Variants in ERG observed in about 807,000 individuals in gnomAD.
The protein encoded by ERG is ETS transcription factor ERG.
In ERG, 9 loss-of-function variants were observed where a neutral mutation model predicts 55.3. That is an observed-to-expected ratio of 0.16 (90% CI 0.10 to 0.28). The LOEUF is 0.28. ERG is among the 10% of genes least tolerant of loss of function. The probability of loss-of-function intolerance (pLI) is 1.00; values close to 1 mark genes in which losing one functional copy is unlikely to be tolerated. For missense variants in ERG, 434 were observed against 631.6 expected (o/e 0.69, Z 3.35); for synonymous variants, 223 against 237.3 (o/e 0.94, Z 0.55).
At chr21:38,626,996 T>C (rs1287582061) in intron 1 of ERG, among the ~76,000 whole-genome samples, 1 of 152,062 alleles carries the variant, frequency 6.6e-6, no homozygotes, top group African/African-American at 2.4e-5. Context: ...AGCAAAGTGC[T>C]AAAAACACTG....
chr21:38,572,900 T>C (rs1568922726), intron 2 of ERG, among the ~76,000 whole-genome samples: 1 of 152,206 alleles, frequency 6.6e-6, no homozygotes, highest in Non-Finnish European at 1.5e-5. Flanking sequence ...TGTGTCTATG[T>C]AGAAAGGAAA....
chr21:38,433,980 G>A (rs1990345312), intron 2 of ERG, among the ~76,000 whole-genome samples: 1 of 152,090 alleles, frequency 6.6e-6, no homozygotes. Context: ...ACATGCTGGT[G>A]AAATGTCCCC....
Position 38,469,267 on chromosome 21 carries a change from A to G in ERG, c.19-23646T>C, listed in dbSNP as rs73439084. Among the ~76,000 whole-genome samples the G allele has an allele frequency of 5.9e-3, 906 of 152,280 alleles. 14 individuals carry two copies. The highest frequency in any genetic ancestry group is 0.02 in the African/African-American group (831 of 41,544). On this transcript the variant is annotated intron_variant, in intron 1 of 9. Coordinates refer to ENST00000288319, the MANE Select transcript of ERG (RefSeq NM_182918.4). ...CCATCTGTGACTCATTAACGCACTT[A>G]GCAAACACTGAGTGACTGACTAGTC...
At chr21:38,597,491 A>ACACACG in intron 1 of ERG, among the ~76,000 whole-genome samples, 1 of 151,930 alleles carries the variant, frequency 6.6e-6, no homozygotes, top group East Asian at 1.9e-4. Flanking sequence ...ACACACACAC[A>ACACACG]CACACACACG....
chr21:38,372,362 C>T, the ERG span, among the ~76,000 whole-genome samples: 5 of 151,754 alleles, frequency 3.3e-5, no homozygotes, highest in Non-Finnish European at 7.4e-5. Context: ...ATCCCACTTC[C>T]TAATTGTTTT....
chr21:38,379,953 A>C, downstream of ERG: 1 of 951,842 alleles, frequency 1.1e-6, no homozygotes, highest in Non-Finnish European at 1.3e-6. Context: ...TGTCCTTCAA[A>C]GTGTTGGGAT....
At chr21:38,475,038 A>G (rs1247239617) in intron 1 of ERG, among the ~76,000 whole-genome samples, 1 of 152,204 alleles carries the variant, frequency 6.6e-6, no homozygotes, top group Non-Finnish European at 1.5e-5. Flanking sequence ...CAAAAATTAA[A>G]TAAGTTGCCT....
At chr21:38,421,012 G>C (rs1449302300) in intron 3 of ERG, among the ~76,000 whole-genome samples, 1 of 152,038 alleles carries the variant, frequency 6.6e-6, no homozygotes, top group Admixed American at 6.5e-5. Context: ...AGAGTGTCTG[G>C]GCAACACACC....
intron 1 of ERG, among the ~76,000 whole-genome samples, chr21:38,659,640 GAC>G (rs1465456919): frequency 6.6e-6 from 1 of 152,222 alleles, no homozygotes; most frequent in African/African-American, 2.4e-5. Flanking sequence ...AAGCTATAGA[GAC>G]ATGTACAGAG....
chr21:38,386,273 G>C (rs754793196), intron 9 of ERG, among the ~76,000 whole-genome samples: 1 of 152,180 alleles, frequency 6.6e-6, no homozygotes, highest in Non-Finnish European at 1.5e-5. Flanking sequence ...ATAGAAATAA[G>C]AGAACTGTAA....
chr21:38,650,953 A>G (rs1029767826), intron 1 of ERG, among the ~76,000 whole-genome samples: 1 of 152,246 alleles, frequency 6.6e-6, no homozygotes, highest in Non-Finnish European at 1.5e-5. Flanking sequence ...CTTCAAAATA[A>G]TCAATTGTAT....
chr21:38,610,104 A>G (rs1486616121), intron 1 of ERG, among the ~76,000 whole-genome samples: 1 of 152,214 alleles, frequency 6.6e-6, no homozygotes, highest in Non-Finnish European at 1.5e-5. Flanking sequence ...ATTCAGGTTC[A>G]CAGGTTCTTT....
chr21:38,404,376 T>C (rs1237715045), intron 3 of ERG, among the ~76,000 whole-genome samples: 2 of 152,130 alleles, frequency 1.3e-5, no homozygotes, highest in Non-Finnish European at 2.9e-5. Flanking sequence ...GGTTTTTGCA[T>C]TCCACAGCTG....
intron 1 of ERG, among the ~76,000 whole-genome samples, chr21:38,476,159 A>C (rs371614712): frequency 1.4e-4 from 21 of 152,182 alleles, no homozygotes; most frequent in African/African-American, 4.1e-4. Context: ...GGCAGCAGCA[A>C]ACAGAACTCC....
chr21:38,392,506 G>GT (rs1988023456), intron 6 of ERG, 62 bp from the exon 7 acceptor site: 4 of 1,213,112 alleles, frequency 3.3e-6, no homozygotes, highest in Admixed American at 3.3e-5. Flanking sequence ...AGATGCTTTG[G>GT]TTTTTTATTT....
intron 1 of ERG, among the ~76,000 whole-genome samples, chr21:38,465,759 A>G (rs9636935): frequency 0.021 from 3,143 of 152,322 alleles, 51 homozygotes; most frequent in East Asian, 0.076. Flanking sequence ...ATTCCAATTA[A>G]TTTATAAGTT....
intron 5 of ERG, among the ~76,000 whole-genome samples, chr21:38,402,336 C>A (rs181977108): frequency 6.6e-6 from 1 of 152,180 alleles, no homozygotes; most frequent in Non-Finnish European, 1.5e-5. Flanking sequence ...AAAAAGGAAC[C>A]CTTTGATAAT....
At chr21:38,577,307 C>T (rs1362897865) in intron 1 of ERG, among the ~76,000 whole-genome samples, 1 of 152,194 alleles carries the variant, frequency 6.6e-6, no homozygotes, top group Admixed American at 6.5e-5. Context: ...GATCTGCATG[C>T]TCCACATCTG....
chr21:38,448,982 C>T (rs2058916705), intron 1 of ERG: 1 of 152,224 alleles, frequency 6.6e-6, no homozygotes, highest in Non-Finnish European at 1.5e-5. Flanking sequence ...CAGCCTGGCT[C>T]CTCCTCTTTA....
Sources: allele counts gnomAD v4.1 joint callset (sites outside exome capture counted in the v4.1 genomes callset), GRCh38; gene constraint gnomAD v4.1.1; transcripts MANE v1.5; gene names NCBI Gene and HGNC (gene_info 2026-07-23, HGNC 2026-07-21).